The following COL5A2 variants were observed in gnomAD, a reference collection of about 807,000 sequenced individuals.
COL5A2 encodes the protein collagen alpha-2(V) chain.
A neutral mutation model predicts 208.2 loss-of-function variants in COL5A2; 23 were observed. That is an observed-to-expected ratio of 0.11 (90% CI 0.08 to 0.16). The LOEUF (loss-of-function observed/expected upper bound fraction) is 0.16. COL5A2 is among the 10% of genes least tolerant of loss of function. The pLI is 1.00. For missense variants in COL5A2, 1,590 were observed against 1,956.4 expected (o/e 0.81, Z 3.53); for synonymous variants, 625 against 628.5 (o/e 0.99, Z 0.08).
At chr2:189,035,225 T>C (rs754183707) in intron 52 of COL5A2, 70 bp from the exon 53 acceptor site, 215 of 1,567,360 alleles carry the variant, frequency 1.4e-4, no homozygotes, top group Non-Finnish European at 1.7e-4. Context: ...CATGTATAGA[T>C]AAATATATAA....
rs754389345 is a variant in COL5A2, at chr2:189,052,949, G to C, written c.2623C>G (p.Pro875Ala). ...EPGQKGDAGS[P>A]GPQGLAGSPG... The stretch of plus-strand genomic sequence containing the variant: ...GATCCTGCTAAACCTTGTGGTCCAG[G>C]AGAACCAGCATCTCCCTTCTGTCCT... Residue 875 changes from proline (P) to alanine (A), a missense_variant, in exon 39 of 54, where the codon CCT (proline) becomes GCT (alanine). Coordinates refer to ENST00000374866, the MANE Select transcript of COL5A2 (RefSeq NM_000393.5). 1 of 1,614,124 alleles carries C rather than the reference G, an allele frequency of 6.2e-7. No individual in the cohort carries two copies.
the COL5A2 span, among the ~76,000 whole-genome samples, chr2:189,314,875 A>G: frequency 6.6e-6 from 1 of 152,188 alleles, no homozygotes; most frequent in African/African-American, 2.4e-5. Flanking sequence ...CCTACGACTG[A>G]ACCAGGAAGA....
the COL5A2 span, among the ~76,000 whole-genome samples, chr2:189,284,042 C>T: frequency 6.6e-6 from 1 of 152,016 alleles, no homozygotes; most frequent in African/African-American, 2.4e-5. Flanking sequence ...CAATTCAGGT[C>T]ATGAATAAGC....
chr2:189,217,322 A>G (rs1689291524), intron 1 of COL5A2, among the ~76,000 whole-genome samples: 2 of 152,180 alleles, frequency 1.3e-5, no homozygotes, highest in South Asian at 4.1e-4. Context: ...TGTGCACATA[A>G]TCATATTTAT....
chr2:189,382,117 CAACTT>C, the COL5A2 span, among the ~76,000 whole-genome samples: 4 of 152,112 alleles, frequency 2.6e-5, no homozygotes, highest in Non-Finnish European at 4.4e-5. Context: ...ATATTTCTAA[CAACTT>C]AAACTGTTCA....
At chr2:189,337,132 T>A in the COL5A2 span, among the ~76,000 whole-genome samples, 42,626 of 151,734 alleles carry the variant, frequency 0.28, 6,203 homozygotes, top group African/African-American at 0.34. Context: ...ACACATTCAT[T>A]AATACTCCTT....
At chr2:189,281,082 G>C in the COL5A2 span, among the ~76,000 whole-genome samples, 1 of 151,910 alleles carries the variant, frequency 6.6e-6, no homozygotes, top group African/African-American at 2.4e-5. Flanking sequence ...TGGTTAATTT[G>C]CATTATTTAC....
At chr2:189,152,408 G>T (rs1042745294) in intron 1 of COL5A2, among the ~76,000 whole-genome samples, 1 of 152,148 alleles carries the variant, frequency 6.6e-6, no homozygotes, top group African/African-American at 2.4e-5. Context: ...CAAAGGGCAT[G>T]GACAGATAAT....
chr2:189,181,971 A>G (rs1369238822), upstream of COL5A2, among the ~76,000 whole-genome samples: 3 of 152,206 alleles, frequency 2.0e-5, no homozygotes, highest in East Asian at 5.8e-4. Context: ...ATAAGTAAAT[A>G]TTCCATATTG....
the COL5A2 span, among the ~76,000 whole-genome samples, chr2:189,337,175 ATT>A: frequency 7.0e-6 from 1 of 141,920 alleles, no homozygotes; most frequent in African/African-American, 2.6e-5. Context: ...TTTTGACATC[ATT>A]TTTTTTTTTC....
intron 1 of COL5A2, among the ~76,000 whole-genome samples, chr2:189,149,748 A>T (rs1688109611): frequency 6.6e-6 from 1 of 152,186 alleles, no homozygotes; most frequent in East Asian, 1.9e-4. Flanking sequence ...CTAAGTGTTT[A>T]GTGGTTTCAA....
the COL5A2 span, among the ~76,000 whole-genome samples, chr2:189,299,103 A>G: frequency 6.6e-6 from 1 of 152,218 alleles, no homozygotes; most frequent in Non-Finnish European, 1.5e-5. Context: ...AAAAGCAGTC[A>G]GGAAAATAAA....
At chr2:189,312,539 G>A in the COL5A2 span, among the ~76,000 whole-genome samples, 3 of 152,164 alleles carry the variant, frequency 2.0e-5, no homozygotes, top group East Asian at 1.9e-4. Flanking sequence ...AGCTCATGCC[G>A]TCCCAGGAAG....
At chr2:189,112,927 T>C (rs921661867) in intron 1 of COL5A2, among the ~76,000 whole-genome samples, 1 of 152,236 alleles carries the variant, frequency 6.6e-6, no homozygotes, top group African/African-American at 2.4e-5. Context: ...TATAGTTCAC[T>C]GAACAATTCC....
Position 189,059,585 on chromosome 2 carries a change from G to GTTTTTTTTTTT in COL5A2, c.2086-703_2086-693dup, listed in dbSNP as rs71020980. Among the ~76,000 whole-genome samples, 56 of 28,636 alleles carry GTTTTTTTTTTT rather than the reference G, an allele frequency of 2.0e-3. 16 individuals carry two copies. The highest frequency in any genetic ancestry group is 9.0e-3 in the South Asian group (4 of 446). 18.8% of individuals were successfully genotyped at this position (28,636 alleles called of 152,430 possible). The stretch of plus-strand genomic sequence containing the variant: ...AAAAACCCTTCTTTTTTCTTTTCTG[G>GTTTTTTTTTTT]TTTTTTTTTTTTTTTTTTTTTTTTT... On this transcript the variant is annotated intron_variant, in intron 31 of 53. Transcript: ENST00000374866.
At chr2:189,133,723 G>A (rs920541168) in intron 1 of COL5A2, among the ~76,000 whole-genome samples, 1 of 152,080 alleles carries the variant, frequency 6.6e-6, no homozygotes, top group African/African-American at 2.4e-5. Flanking sequence ...CCATCCTTAC[G>A]ACAGAGGGGA....
the COL5A2 span, among the ~76,000 whole-genome samples, chr2:189,409,638 A>C: frequency 1.3e-5 from 2 of 152,204 alleles, no homozygotes; most frequent in South Asian, 2.1e-4. Context: ...AAAACTATTC[A>C]CTTAATTCTA....
chr2:189,120,380 T>C (rs1366791504), intron 1 of COL5A2, among the ~76,000 whole-genome samples: 1 of 152,196 alleles, frequency 6.6e-6, no homozygotes, highest in Non-Finnish European at 1.5e-5. Flanking sequence ...TTGGTCCTTA[T>C]CTTGGAAATC....
upstream of COL5A2, among the ~76,000 whole-genome samples, chr2:189,229,045 A>C (rs1424730329): frequency 6.6e-6 from 1 of 151,862 alleles, no homozygotes; most frequent in East Asian, 1.9e-4. Flanking sequence ...TTAACAGAAT[A>C]AAGGATAGAA....
Sources: allele counts gnomAD v4.1 joint callset (sites outside exome capture counted in the v4.1 genomes callset), GRCh38; gene constraint gnomAD v4.1.1; transcripts MANE v1.5; gene names NCBI Gene and HGNC (gene_info 2026-07-23, HGNC 2026-07-21).